The following ZBTB20 variants were observed in gnomAD, a reference collection of about 807,000 sequenced individuals.
ZBTB20 encodes the protein zinc finger and BTB domain-containing protein 20.
Under a neutral mutation model 56.9 loss-of-function variants are expected in ZBTB20, and 9 were observed. That is an observed-to-expected ratio of 0.16 (90% confidence interval 0.10 to 0.28). The LOEUF is 0.28. ZBTB20 is among the 10% of genes least tolerant of loss of function. The probability of loss-of-function intolerance (pLI) is 1.00; values close to 1 mark genes in which losing one functional copy is unlikely to be tolerated. For missense variants in ZBTB20, 655 were observed against 1,003.0 expected (o/e 0.65, Z 4.69); for synonymous variants, 417 against 420.7 (o/e 0.99, Z 0.11).
chr3:115,080,114 G>T (rs1344930512), intron 1 of ZBTB20, among the ~76,000 whole-genome samples: 2 of 152,166 alleles, frequency 1.3e-5, no homozygotes, highest in African/African-American at 4.8e-5. Context: ...ATTAGATAAA[G>T]TCATGAGGTT....
intron 11 of ZBTB20, among the ~76,000 whole-genome samples, chr3:114,342,788 A>C (rs372922456): frequency 6.6e-6 from 1 of 152,244 alleles, no homozygotes; most frequent in Non-Finnish European, 1.5e-5. Flanking sequence ...AATTTTTAAA[A>C]AATTATTTCA....
intron 6 of ZBTB20, chr3:114,528,924 C>G (rs1375850528): frequency 6.6e-6 from 1 of 152,188 alleles, no homozygotes; most frequent in Non-Finnish European, 1.5e-5. Context: ...ACTGTGGGCT[C>G]TACCCATGCA....
At chr3:115,042,555 T>G (rs1375549102) in intron 2 of ZBTB20, among the ~76,000 whole-genome samples, 1 of 152,148 alleles carries the variant, frequency 6.6e-6, no homozygotes, top group African/African-American at 2.4e-5. Flanking sequence ...TTTTATTGAG[T>G]ACATTCCAAA....
intron 3 of ZBTB20, among the ~76,000 whole-genome samples, chr3:114,937,234 A>C (rs977965924): frequency 2.6e-5 from 4 of 152,066 alleles, no homozygotes; most frequent in Non-Finnish European, 1.5e-5. Context: ...ACTCCCACTA[A>C]CAGTGTAAAA....
chr3:114,593,889 A>G (rs2056057849), intron 6 of ZBTB20, among the ~76,000 whole-genome samples: 1 of 152,220 alleles, frequency 6.6e-6, no homozygotes, highest in Non-Finnish European at 1.5e-5. Context: ...CCTTTTAAAC[A>G]ACTCCTTCAA....
chr3:114,535,388 T>G (rs1316804485), intron 6 of ZBTB20, among the ~76,000 whole-genome samples: 1 of 152,156 alleles, frequency 6.6e-6, no homozygotes, highest in Admixed American at 6.5e-5. Context: ...CTAGAAAATC[T>G]AGAAGAAATG....
intron 3 of ZBTB20, among the ~76,000 whole-genome samples, chr3:114,901,030 T>C (rs1232958749): frequency 6.6e-6 from 1 of 152,140 alleles, no homozygotes; most frequent in Non-Finnish European, 1.5e-5. Context: ...CAGTTTACAA[T>C]TAGACCTGAA....
chr3:114,808,417 T>C lies in ZBTB20; in HGVS notation c.-416-7243A>G, dbSNP rs766180459. 4.6e-5 allele frequency among the ~76,000 whole-genome samples: 7 copies of C among 151,894 alleles called. No individual in the cohort carries two copies. In the East Asian group the frequency reaches 7.8e-4, roughly 17 times the overall value. On this transcript the variant is annotated intron_variant, in intron 4 of 11. Coordinates refer to ENST00000675478, the MANE Select transcript of ZBTB20 (RefSeq NM_001348800.3). ...AGAGAAGGTATCACCACCAACCCCA[T>C]AGAAATGAGAATGATTATGAGGTTA...
intron 6 of ZBTB20, among the ~76,000 whole-genome samples, chr3:114,556,106 T>A (rs1014745235): frequency 1.3e-5 from 2 of 152,084 alleles, no homozygotes; most frequent in African/African-American, 4.8e-5. Flanking sequence ...CAGTGAAAAG[T>A]TAACTATTTG....
intron 7 of ZBTB20, among the ~76,000 whole-genome samples, chr3:114,496,475 C>T (rs1364593333): frequency 6.6e-6 from 1 of 152,186 alleles, no homozygotes; most frequent in Non-Finnish European, 1.5e-5. Context: ...CCTGGGCTTT[C>T]AATAGGTCCC....
At chr3:114,380,444 A>G in intron 9 of ZBTB20, 40 bp from the exon 10 acceptor site, 2 of 1,467,148 alleles carry the variant, frequency 1.4e-6, no homozygotes, top group Admixed American at 2.7e-5. Context: ...AACTGACTGC[A>G]TATTTGGGAA....
At chr3:114,984,445 G>A (rs904021308) in intron 2 of ZBTB20, among the ~76,000 whole-genome samples, 10 of 151,820 alleles carry the variant, frequency 6.6e-5, no homozygotes, top group Middle Eastern at 3.4e-3. Flanking sequence ...TCCCTGCTCC[G>A]TCACCATTTT....
chr3:114,820,955 A>C (rs1197215488), intron 4 of ZBTB20, among the ~76,000 whole-genome samples: 1 of 152,120 alleles, frequency 6.6e-6, no homozygotes, highest in Non-Finnish European at 1.5e-5. Context: ...CAATCTGAGA[A>C]TGTTTACTTG....
chr3:114,715,149 TTAAC>T (rs1370554420), intron 5 of ZBTB20, among the ~76,000 whole-genome samples: 1 of 152,222 alleles, frequency 6.6e-6, no homozygotes, highest in Non-Finnish European at 1.5e-5. Context: ...CTGCTACACA[TTAAC>T]TAATTCCTTA....
At chr3:114,922,876 C>T (rs953765585) in intron 3 of ZBTB20, among the ~76,000 whole-genome samples, 8 of 152,190 alleles carry the variant, frequency 5.3e-5, no homozygotes, top group South Asian at 4.1e-4. Flanking sequence ...ACTACCCCCA[C>T]GATCAAACAC....
chr3:115,125,948 A>G (rs749601177), intron 1 of ZBTB20, among the ~76,000 whole-genome samples: 25 of 152,194 alleles, frequency 1.6e-4, no homozygotes, highest in Non-Finnish European at 3.4e-4. Flanking sequence ...ACAAGCTACA[A>G]GGGAGAAGAG....
At chr3:114,532,058 G>A (rs531579675) in intron 6 of ZBTB20, among the ~76,000 whole-genome samples, 7 of 152,274 alleles carry the variant, frequency 4.6e-5, no homozygotes, top group East Asian at 1.9e-4. Context: ...AAAACTGGGC[G>A]GCCGTTTGGG....
intron 2 of ZBTB20, among the ~76,000 whole-genome samples, chr3:114,995,767 T>C (rs577177244): frequency 2.5e-4 from 38 of 151,970 alleles, no homozygotes; most frequent in Admixed American, 2.2e-3. Flanking sequence ...AATATACTCA[T>C]TTTCAAACTT....
chr3:114,837,599 G>A (rs545716295), intron 4 of ZBTB20, among the ~76,000 whole-genome samples: 1 of 152,234 alleles, frequency 6.6e-6, no homozygotes, highest in East Asian at 1.9e-4. Context: ...TTCACACAGG[G>A]CTACTTCATG....
Sources: gnomAD v4.1 joint callset for allele counts (sites outside exome capture counted in the v4.1 genomes callset) on GRCh38, gnomAD v4.1.1 for gene constraint, MANE v1.5 for transcripts, NCBI Gene and HGNC (gene_info 2026-07-23, HGNC 2026-07-21) for gene names.